SOS2: variants seen among roughly 807,000 people sequenced by gnomAD.
SOS2 encodes the protein son of sevenless homolog 2.
A neutral mutation model predicts 148.2 loss-of-function variants in SOS2; 65 were observed. The ratio of observed to expected loss-of-function variants is 0.44; its 90% CI spans 0.36 to 0.54. The LOEUF (loss-of-function observed/expected upper bound fraction) is 0.54, where lower values mean the gene tolerates loss of function less well. Ranked by LOEUF, SOS2 falls within the 20% of genes least tolerant of loss-of-function variation. The pLI, the probability that SOS2 is intolerant of heterozygous loss-of-function variation, is 0.00. For missense variants in SOS2, 1,341 were observed against 1,590.2 expected (o/e 0.84, Z 2.67); for synonymous variants, 539 against 537.1 (o/e 1.00, Z -0.05).
chr14:50,120,335 G>T lies in SOS2; in HGVS notation c.3429C>A (p.Pro1143=). Residue 1143 remains proline, a synonymous_variant, in exon 22 of 23, where the codon CCC becomes CCA. Transcript: ENST00000216373. ...CGSLHKLSEE[P]LIPPPLPPRK... ...GAGGAGGAAGAGGAGGAGGAATCAG[G>T]GGCTCTTCACTTAGTTTATGTAAAC... The T allele has an allele frequency of 6.2e-7, 1 of 1,608,844 alleles. No individual in the cohort carries two copies.
intron 1 of SOS2, among the ~76,000 whole-genome samples, chr14:50,223,211 G>A (rs1887249646): frequency 6.6e-6 from 1 of 152,194 alleles, no homozygotes; most frequent in Non-Finnish European, 1.5e-5. Flanking sequence ...AAAGGATACA[G>A]TGTTGGTTGA....
intron 1 of SOS2, among the ~76,000 whole-genome samples, chr14:50,230,386 T>G (rs570946746): frequency 6.6e-6 from 1 of 152,318 alleles, no homozygotes; most frequent in South Asian, 2.1e-4. Flanking sequence ...TCTTTAAATG[T>G]CTTGATCTTA....
At chr14:50,210,685 G>A (rs1278376318) in intron 1 of SOS2, among the ~76,000 whole-genome samples, 1 of 141,388 alleles carries the variant, frequency 7.1e-6, no homozygotes, top group Non-Finnish European at 1.5e-5. Flanking sequence ...TAAAAATTCA[G>A]TAAGAAAAAA....
At chr14:50,219,148 G>A (rs1006836583) in intron 1 of SOS2, among the ~76,000 whole-genome samples, 18 of 151,544 alleles carry the variant, frequency 1.2e-4, no homozygotes, top group East Asian at 7.7e-4. Flanking sequence ...CCTACTATCC[G>A]ATCCAACCAC....
In SOS2 at chr14:50,188,681, T is replaced by A. The variant is rs1313632636; in HGVS notation, c.530A>T (p.Asp177Val). 2 of 1,598,206 alleles carry A rather than the reference T, an allele frequency of 1.3e-6. No individual in the cohort carries two copies. The highest frequency in any genetic ancestry group is 1.7e-6 in the Non-Finnish European group (2 of 1,174,778). ...CADKVLMDMFDQDDIGLVSLC... is the reference protein window; with the variant it reads ...CADKVLMDMFVQDDIGLVSLC... ...AGAAACCAAACCTATGTCATCCTGATCAAACATGTCCATCAAAACCTGAGA... is the reference window on the plus strand; with the variant it reads ...AGAAACCAAACCTATGTCATCCTGAACAAACATGTCCATCAAAACCTGAGA... Residue 177 changes from aspartate to valine, a missense_variant, in exon 5 of 23, where the codon GAT (aspartate) becomes GTT (valine). This residue lies in a region of SOS2 where 574 missense variants were observed against 711.1 expected (regional missense o/e 0.81). Coordinates refer to ENST00000216373, the MANE Select transcript of SOS2 (RefSeq NM_006939.4).
intron 8 of SOS2, among the ~76,000 whole-genome samples, chr14:50,163,230 A>C (rs1402792198): frequency 6.6e-6 from 1 of 151,286 alleles, no homozygotes; most frequent in African/African-American, 2.4e-5. Flanking sequence ...GGATATGGGG[A>C]ATTATGATCA....
At chr14:50,185,679 A>G (rs1316019487) in intron 5 of SOS2, among the ~76,000 whole-genome samples, 1 of 149,036 alleles carries the variant, frequency 6.7e-6, no homozygotes, top group Non-Finnish European at 1.5e-5. Context: ...ATGACAGAGC[A>G]AGACTCTGTC....
intron 1 of SOS2, among the ~76,000 whole-genome samples, chr14:50,218,948 A>C (rs1887118509): frequency 6.6e-6 from 1 of 151,948 alleles, no homozygotes; most frequent in South Asian, 2.1e-4. Context: ...CCCTGTCTCT[A>C]CTAAAAATAG....
intron 4 of SOS2, among the ~76,000 whole-genome samples, chr14:50,195,526 T>G (rs375602006): frequency 6.6e-6 from 1 of 151,654 alleles, no homozygotes; most frequent in Non-Finnish European, 1.5e-5. Context: ...TCTTGGGAGG[T>G]TGAGGCAAGA....
At chr14:50,191,121 T>A (rs1886120918) in intron 4 of SOS2, among the ~76,000 whole-genome samples, 1 of 152,066 alleles carries the variant, frequency 6.6e-6, no homozygotes, top group South Asian at 2.1e-4. Context: ...TTCCTACTTG[T>A]TTTCTCTAGT....
intron 2 of SOS2, among the ~76,000 whole-genome samples, chr14:50,203,425 CAGG>C (rs932244406): frequency 5.3e-5 from 8 of 151,928 alleles, no homozygotes; most frequent in African/African-American, 1.7e-4. Flanking sequence ...TTGTTTTTAG[CAGG>C]AGAAAATAAT....
rs534384816 is a variant in SOS2 at position 50,153,094 on chromosome 14, C to G, written c.2137G>C (p.Glu713Gln). Residue 713 changes from glutamate to glutamine, a missense_variant, in exon 13 of 23, where the codon GAA becomes CAA. This residue lies in a region of SOS2 where 408 missense variants were observed against 506.6 expected (regional missense o/e 0.81). Coordinates refer to ENST00000216373, the MANE Select transcript of SOS2 (RefSeq NM_006939.4). ...CCTCTTACACTTGAAATGAAGGATT[C>G]TAGTCTTTCAAGCAATTCCAAGTCT... ...ERDLELLERL[E>Q]SFISSVRGKA... 5.2e-5 allele frequency: 82 copies of G among 1,585,688 alleles called. 1 individual carries two copies. The South Asian group carries it at 8.4e-4, about 16-fold the overall frequency.
At chr14:50,134,345 T>C (rs887024512) in intron 18 of SOS2, 106 bp from the exon 19 acceptor site, 9 of 616,368 alleles carry the variant, frequency 1.5e-5, no homozygotes, top group Non-Finnish European at 2.6e-5. Flanking sequence ...ACTTATTTAA[T>C]GCTAAAAAAT....
chr14:50,158,527 C>A (rs761567682), intron 11 of SOS2, 38 bp downstream of exon 11: 3 of 1,272,462 alleles, frequency 2.4e-6, no homozygotes, highest in Middle Eastern at 2.0e-4. Context: ...TAATTTTTCA[C>A]AAAATGTCAA....
intron 7 of SOS2, among the ~76,000 whole-genome samples, chr14:50,178,711 T>TATATATATATACAC (rs1237281191): frequency 8.3e-6 from 1 of 120,444 alleles, no homozygotes; most frequent in Non-Finnish European, 1.6e-5. Context: ...TATATATATA[T>TATATATATATACAC]ACACACATAT....
intron 18 of SOS2, among the ~76,000 whole-genome samples, chr14:50,136,918 G>T (rs1884100524): frequency 6.6e-6 from 1 of 152,118 alleles, no homozygotes; most frequent in Non-Finnish European, 1.5e-5. Flanking sequence ...TATGCTTTAG[G>T]TGGTCTTTTT....
intron 18 of SOS2, among the ~76,000 whole-genome samples, chr14:50,136,626 G>A (rs1884090485): frequency 6.8e-6 from 1 of 146,156 alleles, no homozygotes; most frequent in African/African-American, 2.5e-5. Context: ...GTCTCGCTCT[G>A]TCACCTAGGC....
intron 12 of SOS2, 69 bp from the exon 13 acceptor site, chr14:50,153,242 T>G: frequency 1.2e-6 from 1 of 828,064 alleles, no homozygotes; most frequent in Non-Finnish European, 2.1e-6. Flanking sequence ...CCTTCTCTAA[T>G]GCCACGATAA....
chr14:50,174,545 G>C lies in SOS2; in HGVS notation c.977C>G (p.Ala326Gly). 1 of 1,599,414 alleles carries C rather than the reference G, an allele frequency of 6.3e-7. No individual in the cohort carries two copies. Among genetic ancestry groups the C allele is most frequent in the Non-Finnish European group, 8.6e-7 (1 of 1,168,840 alleles). The part of the protein sequence containing the change: ...PAVALHFQSI[A>G]DGFKEAVRYV... ...ACGAACTGCCTCTTTAAAACCATCA[G>C]CAATGGACTGCAAAGCAAAAAGATA... is the stretch of plus-strand genomic sequence containing the variant. The change falls in exon 8 of 23, where the codon GCT becomes GGT. Residue 326 changes from alanine to glycine, a missense_variant. Coordinates refer to ENST00000216373, the MANE Select transcript of SOS2 (RefSeq NM_006939.4).
Sources: gnomAD v4.1 joint callset for allele counts (sites outside exome capture counted in the v4.1 genomes callset) on GRCh38, gnomAD v4.1.1 for gene constraint, gnomAD v4.1.1 regional missense constraint, MANE v1.5 for transcripts, NCBI Gene and HGNC (gene_info 2026-07-23, HGNC 2026-07-21) for gene names.